The following ZEB1 variants were observed in gnomAD, a reference collection of about 807,000 sequenced individuals.
The protein encoded by ZEB1 is zinc finger E-box-binding homeobox 1.
Under a neutral mutation model 84.9 loss-of-function variants are expected in ZEB1, and 21 were observed. The observed-to-expected ratio is 0.25, with a 90% CI of 0.18 to 0.36. The LOEUF (loss-of-function observed/expected upper bound fraction) is 0.36, where lower values mean the gene tolerates loss of function less well. ZEB1 is among the 10% of genes least tolerant of loss of function. The pLI is 1.00. For missense variants in ZEB1, 1,104 were observed against 1,330.2 expected (o/e 0.83, Z 2.65); for synonymous variants, 420 against 471.1 (o/e 0.89, Z 1.41).
rs534925267 is a variant in ZEB1, at chr10:31,403,128, C to G, written c.59-57909C>G. Among the ~76,000 whole-genome samples, 25 of 152,150 alleles carry G rather than the reference C, an allele frequency of 1.6e-4. No homozygotes were observed. The East Asian group carries it at 4.4e-3, about 27-fold the overall frequency. On this transcript the variant is annotated intron_variant, in intron 1 of 8. Coordinates refer to ENST00000424869, the MANE Select transcript of ZEB1 (RefSeq NM_001174096.2). ...TTCAAATATTAGTTTTATTACTCTA[C>G]TAGCTGTGTAACCTTAGGTAAACAG... is the stretch of plus-strand genomic sequence containing the variant.
intron 1 of ZEB1, among the ~76,000 whole-genome samples, chr10:31,427,671 G>C (rs1354125836): frequency 6.6e-6 from 1 of 152,106 alleles, no homozygotes; most frequent in African/African-American, 2.4e-5. Context: ...GGCTAACATG[G>C]TGAAACCCCA....
At chr10:31,332,452 A>G (rs998742172) in intron 1 of ZEB1, among the ~76,000 whole-genome samples, 4 of 152,210 alleles carry the variant, frequency 2.6e-5, no homozygotes, top group African/African-American at 7.2e-5. Flanking sequence ...CACTATTACT[A>G]GTTAATTTTC....
rs967661111 is a variant in ZEB1 at position 31,393,120 on chromosome 10, T to C, written c.59-67917T>C. Among the ~76,000 whole-genome samples, 3 of 152,334 alleles carry C rather than the reference T, an allele frequency of 2.0e-5. No homozygotes were observed. The East Asian group carries it at 5.8e-4, about 29-fold the overall frequency. Reference sequence around the variant, plus strand: ...CCCAAAGAGCTGGGACTATCAGGCATGAGCCACCATGCCCAGCTGTACTAT... The same window carrying C: ...CCCAAAGAGCTGGGACTATCAGGCACGAGCCACCATGCCCAGCTGTACTAT... On this transcript the variant is annotated intron_variant, in intron 1 of 8. Coordinates refer to ENST00000424869, the MANE Select transcript of ZEB1 (RefSeq NM_001174096.2).
chr10:31,411,570 T>G (rs1240037365), intron 1 of ZEB1, among the ~76,000 whole-genome samples: 3 of 144,486 alleles, frequency 2.1e-5, no homozygotes, highest in Non-Finnish European at 4.5e-5. Flanking sequence ...AAGCGGAGCT[T>G]GCAGTGAGCC....
Position 31,341,413 on chromosome 10 carries a change from G to A in ZEB1, c.58+22121G>A, listed in dbSNP as rs2039339272. On this transcript the variant is annotated intron_variant, in intron 1 of 8. Coordinates refer to ENST00000424869, the MANE Select transcript of ZEB1 (RefSeq NM_001174096.2). ...ATTAACTCCAAAGTTTCTAGCTGAGGTGATTCCAGGGATAGCGATGACACC... is the reference window on the plus strand; with the variant it reads ...ATTAACTCCAAAGTTTCTAGCTGAGATGATTCCAGGGATAGCGATGACACC... Among the ~76,000 whole-genome samples the A allele has an allele frequency of 2.0e-5, 3 of 152,128 alleles. No homozygotes were observed. In the South Asian group the frequency reaches 6.2e-4, roughly 32 times the overall value.
At chr10:31,329,156 C>T (rs1404835783) in intron 1 of ZEB1, among the ~76,000 whole-genome samples, 1 of 152,066 alleles carries the variant, frequency 6.6e-6, no homozygotes. Context: ...TTCCATCATC[C>T]TAAAGAGTTC....
chr10:31,430,387 A>G (rs1424701326), intron 1 of ZEB1, among the ~76,000 whole-genome samples: 1 of 152,138 alleles, frequency 6.6e-6, no homozygotes, highest in Non-Finnish European at 1.5e-5. Context: ...TTCTCCCATT[A>G]TATGTGAGGA....
At chr10:31,385,469 A>C (rs981375316) in intron 1 of ZEB1, among the ~76,000 whole-genome samples, 3 of 151,716 alleles carry the variant, frequency 2.0e-5, no homozygotes, top group African/African-American at 7.3e-5. Context: ...CCATTAATCA[A>C]ATGTTGATTT....
rs142108209 is a variant in ZEB1, at chr10:31,396,449, G to T, written c.59-64588G>T. ...CAAAAAAGAAATGATGGAAGTGGTAGAATTTAATTTGGGTCCTGACAAATA... is the reference window on the plus strand; with the variant it reads ...CAAAAAAGAAATGATGGAAGTGGTATAATTTAATTTGGGTCCTGACAAATA... On this transcript the variant is annotated intron_variant, in intron 1 of 8. Coordinates refer to ENST00000424869, the MANE Select transcript of ZEB1 (RefSeq NM_001174096.2). 2.2e-3 allele frequency among the ~76,000 whole-genome samples: 331 copies of T among 152,278 alleles called. 3 individuals carry two copies. The highest frequency in any genetic ancestry group is 0.02 in the Middle Eastern group (6 of 294).
intron 2 of ZEB1, among the ~76,000 whole-genome samples, chr10:31,485,927 T>TAG (rs2065696026): frequency 2.0e-5 from 3 of 151,876 alleles, no homozygotes; most frequent in Non-Finnish European, 4.4e-5. Flanking sequence ...CCGTGATCTT[T>TAG]TGCTATCATT....
chr10:31,445,213 G>C (rs1346521662), intron 1 of ZEB1, among the ~76,000 whole-genome samples: 1 of 147,008 alleles, frequency 6.8e-6, no homozygotes, highest in Non-Finnish European at 1.5e-5. Flanking sequence ...TTGGCTTTCT[G>C]TTTGTCTGTT....
chr10:31,487,084 G>T (rs1339053615), intron 2 of ZEB1, among the ~76,000 whole-genome samples: 2 of 151,390 alleles, frequency 1.3e-5, no homozygotes, highest in Non-Finnish European at 3.0e-5. Flanking sequence ...ATGTGGGTCA[G>T]TTTCTGGACT....
chr10:31,442,111 A>G (rs542803223), intron 1 of ZEB1, among the ~76,000 whole-genome samples: 3 of 152,372 alleles, frequency 2.0e-5, no homozygotes, highest in South Asian at 2.1e-4. Flanking sequence ...ATGCACATGT[A>G]TGTTGATTGC....
intron 1 of ZEB1, among the ~76,000 whole-genome samples, chr10:31,440,189 G>A (rs1282254243): frequency 1.3e-5 from 2 of 152,124 alleles, no homozygotes; most frequent in Non-Finnish European, 2.9e-5. Flanking sequence ...AACAACTGGA[G>A]GAATGGAATT....
chr10:31,453,560 T>C (rs1189257238), intron 1 of ZEB1, among the ~76,000 whole-genome samples: 2 of 152,200 alleles, frequency 1.3e-5, no homozygotes, highest in African/African-American at 4.8e-5. Context: ...TTAATTACTA[T>C]AGTTGATACA....
chr10:31,372,060 A>G (rs1215826606), intron 1 of ZEB1, among the ~76,000 whole-genome samples: 2 of 152,078 alleles, frequency 1.3e-5, no homozygotes, highest in African/African-American at 4.8e-5. Flanking sequence ...ATATATGAGA[A>G]TTTGAGGTGT....
At chr10:31,374,650 A>C (rs1037385783) in intron 1 of ZEB1, among the ~76,000 whole-genome samples, 1 of 151,890 alleles carries the variant, frequency 6.6e-6, no homozygotes, top group Non-Finnish European at 1.5e-5. Context: ...AATAAAGCAC[A>C]GAACCTACAC....
intron 1 of ZEB1, among the ~76,000 whole-genome samples, chr10:31,456,398 A>C (rs1021648445): frequency 6.6e-6 from 1 of 152,154 alleles, no homozygotes. Flanking sequence ...CTTAAAGTAT[A>C]ATAATAAAAA....
chr10:31,499,490 A>C (rs974513512), intron 3 of ZEB1, among the ~76,000 whole-genome samples: 1 of 152,194 alleles, frequency 6.6e-6, no homozygotes, highest in African/African-American at 2.4e-5. Flanking sequence ...AGTCAGACTT[A>C]CTTTCTGTCA....
Sources: gnomAD v4.1 joint callset for allele counts (sites outside exome capture counted in the v4.1 genomes callset) on GRCh38, gnomAD v4.1.1 for gene constraint, MANE v1.5 for transcripts, NCBI Gene and HGNC (gene_info 2026-07-23, HGNC 2026-07-21) for gene names.